The following UGT2A2 variants were observed in gnomAD, a reference collection of about 807,000 sequenced individuals.
The protein encoded by UGT2A2 is UDP glucuronosyltransferase family 2 member A2.
A neutral mutation model predicts 50.7 loss-of-function variants in UGT2A2; 60 were observed. That is an observed-to-expected ratio of 1.18 (90% CI 0.96 to 1.47). The LOEUF is 1.47. Among genes scored for constraint, UGT2A2 ranks in the 40% most tolerant of loss-of-function variants. The pLI is 0.00. For missense variants in UGT2A2, 762 were observed against 634.0 expected, an observed-to-expected ratio of 1.20 and a Z score of -2.17; for synonymous variants, 242 against 214.6, an observed-to-expected ratio of 1.13 and a Z score of -1.11.
intron 5 of UGT2A2, among the ~76,000 whole-genome samples, chr4:69,590,011 A>G (rs1718497107): frequency 6.6e-6 from 1 of 152,246 alleles, no homozygotes; most frequent in African/African-American, 2.4e-5. Context: ...TGGGATAAAA[A>G]TCATTTAAGA....
At chr4:69,638,309 A>G (rs1260825650) in intron 1 of UGT2A2, among the ~76,000 whole-genome samples, 2 of 152,252 alleles carry the variant, frequency 1.3e-5, no homozygotes, top group East Asian at 3.9e-4. Flanking sequence ...TTGATGGTTA[A>G]CATTATTGTG....
intron 1 of UGT2A2, among the ~76,000 whole-genome samples, chr4:69,623,913 T>C (rs907540405): frequency 1.3e-5 from 2 of 151,660 alleles, no homozygotes; most frequent in Non-Finnish European, 3.0e-5. Flanking sequence ...ACAAAATTAA[T>C]GCTGGCCAGA....
chr4:69,592,808 C>CAA (rs530219488), intron 5 of UGT2A2, among the ~76,000 whole-genome samples: 1 of 151,276 alleles, frequency 6.6e-6, no homozygotes, highest in Non-Finnish European at 1.5e-5. Flanking sequence ...AGAAATAATA[C>CAA]AAAAAAAATT....
intron 1 of UGT2A2, among the ~76,000 whole-genome samples, chr4:69,630,806 T>C (rs1333537827): frequency 3.3e-5 from 5 of 152,122 alleles, no homozygotes; most frequent in African/African-American, 4.8e-5. Context: ...GAGGAATTCC[T>C]GATTTACCAA....
At chr4:69,609,080 G>A (rs2217587) in intron 1 of UGT2A2, among the ~76,000 whole-genome samples, 35,337 of 151,450 alleles carry the variant, frequency 0.23, 4,331 homozygotes, top group Middle Eastern at 0.32. Flanking sequence ...AAAAGATAAT[G>A]AGAAAACCAT....
chr4:69,595,261 G>T lies in UGT2A2; in HGVS notation c.1024-12C>A, dbSNP rs761696957. On this transcript the variant is annotated splice_polypyrimidine_tract_variant and intron_variant, in intron 3 of 5. Coordinates refer to ENST00000604629, the MANE Select transcript of UGT2A2 (RefSeq NM_001105677.2). ...TATCTCCATAAAACCTGTGGAAAAT[G>T]GTGCTTTAATTTTGCAAGGAAAAAC... 2 of 1,613,072 alleles carry T rather than the reference G, an allele frequency of 1.2e-6. No homozygotes were observed. The highest frequency in any genetic ancestry group is 1.7e-6 in the Non-Finnish European group (2 of 1,179,654).
At chr4:69,608,054 G>A (rs1719771444) in intron 1 of UGT2A2, among the ~76,000 whole-genome samples, 1 of 152,134 alleles carries the variant, frequency 6.6e-6, no homozygotes, top group Admixed American at 6.5e-5. Context: ...ATTTGATCCA[G>A]CCATCCCATT....
rs1231581921 is a variant in UGT2A2 at position 69,589,580 on chromosome 4, A to T, written c.1403T>A (p.Val468Asp). 6.2e-7 allele frequency: 1 copy of T among 1,614,026 alleles called. No homozygotes were observed. The highest frequency in any genetic ancestry group is 8.5e-7 in the Non-Finnish European group (1 of 1,179,932). ...DQPVKPLDRA[V>D]FWIEFVMRHK... is the part of the protein sequence containing the mutation. ...GCGCATGACAAACTCGATCCAGAAG[A>T]CTGCTCGATCCAGGGGCTTTACAGG... The change falls in exon 6 of 6, where the codon GTC (valine) becomes GAC (aspartate). Residue 468 changes from valine to aspartate, a missense_variant. Val to Asp is a radical substitution (Grantham distance 152). Transcript: ENST00000604629.
intron 4 of UGT2A2, 114 bp from the exon 5 acceptor site, chr4:69,594,810 T>C: frequency 7.7e-7 from 1 of 1,305,018 alleles, no homozygotes; most frequent in Non-Finnish European, 1.0e-6. Flanking sequence ...GGATACGTTT[T>C]CTACAAAAGC....
chr4:69,639,433 TG>T lies in UGT2A2; in HGVS notation c.207del (p.Phe69LeufsTer10), dbSNP rs749848995. 8.1e-6 allele frequency: 13 copies of T among 1,613,116 alleles called. No individual in the cohort carries two copies. Among genetic ancestry groups the T allele is most frequent in the Non-Finnish European group, 1.1e-5 (13 of 1,179,570 alleles). On this transcript the variant is annotated frameshift_variant, in exon 1 of 6. Coordinates refer to ENST00000604629, the MANE Select transcript of UGT2A2 (RefSeq NM_001105677.2). LOFTEE classifies it high-confidence loss of function. ...VTVLASSATL[F>X]INSNPDSPVN... is the part of the protein sequence containing the mutation. ...ACAGGAGAATCGGGATTGGAGTTGA[TG>T]AATAGAGTTGCTGATGAAGCCAGTA...
intron 1 of UGT2A2, among the ~76,000 whole-genome samples, chr4:69,607,214 A>AACAGCATGGTACTGGTACCAAT (rs1719683935): frequency 6.6e-6 from 1 of 150,412 alleles, no homozygotes; most frequent in Admixed American, 6.6e-5. Context: ...CTGGTACCAA[A>AACAGCATGGTACTGGTACCAAT]ACAGAGATAA....
At chr4:69,591,539 G>A (rs1023885694) in intron 5 of UGT2A2, among the ~76,000 whole-genome samples, 1 of 152,038 alleles carries the variant, frequency 6.6e-6, no homozygotes. Context: ...GTTGTGAAAC[G>A]TTTCTTATCA....
chr4:69,615,524 A>C, intron 1 of UGT2A2, among the ~76,000 whole-genome samples: 1 of 152,122 alleles, frequency 6.6e-6, no homozygotes, highest in East Asian at 1.9e-4. Context: ...AACAATTCAA[A>C]AAGAAAAGAA....
intron 1 of UGT2A2, among the ~76,000 whole-genome samples, chr4:69,623,227 G>A (rs1300680506): frequency 6.6e-6 from 1 of 151,692 alleles, no homozygotes; most frequent in Non-Finnish European, 1.5e-5. Context: ...TGATTGTACT[G>A]CATGCCAAGT....
intron 1 of UGT2A2, among the ~76,000 whole-genome samples, chr4:69,618,921 A>T (rs1023018865): frequency 1.3e-5 from 2 of 151,980 alleles, no homozygotes; most frequent in African/African-American, 4.8e-5. Context: ...GAAATTTTTT[A>T]AAAACTCAGG....
At chr4:69,623,147 C>G (rs1023636705) in intron 1 of UGT2A2, among the ~76,000 whole-genome samples, 1 of 151,814 alleles carries the variant, frequency 6.6e-6, no homozygotes, top group Non-Finnish European at 1.5e-5. Context: ...GTTGATTTGG[C>G]ACAAGCTAGT....
intron 1 of UGT2A2, among the ~76,000 whole-genome samples, chr4:69,616,604 A>G (rs554408744): frequency 1.3e-5 from 2 of 152,066 alleles, no homozygotes; most frequent in South Asian, 4.1e-4. Context: ...CCAGTTTACC[A>G]TTTCCTGTAA....
At position 69,599,021 on chromosome 4, in the gene UGT2A2, G is replaced by C. The variant is rs1379791505; in HGVS notation, c.891+225C>G. On this transcript the variant is annotated intron_variant, in intron 2 of 5. Coordinates refer to ENST00000604629, the MANE Select transcript of UGT2A2 (RefSeq NM_001105677.2). ...TCAAGGTGTAGACACACTGATATTT[G>C]TAACACACAGCTTTAATCATTTTAT... Among the ~76,000 whole-genome samples the C allele has an allele frequency of 2.0e-5, 3 of 152,038 alleles. No individual in the cohort carries two copies. In the South Asian group the frequency reaches 6.2e-4, roughly 32 times the overall value.
Position 69,606,632 on chromosome 4 carries a change from G to T in UGT2A2, c.743-7238C>A, listed in dbSNP as rs1719641227. Among the ~76,000 whole-genome samples, 2 of 136,776 alleles carry T rather than the reference G, an allele frequency of 1.5e-5. 1 individual carries two copies. Among genetic ancestry groups the T allele is most frequent in the South Asian group, 4.8e-4 (2 of 4,156 alleles). The allele number at this position is 136,776 out of a possible 152,430, so 89.7% of individuals were successfully genotyped here. A position where few individuals can be genotyped will look rare whatever the true frequency, so the allele number is the denominator to read the frequency against. On this transcript the variant is annotated intron_variant, in intron 1 of 5. Coordinates refer to ENST00000604629, the MANE Select transcript of UGT2A2 (RefSeq NM_001105677.2). ...CAATTAGGAAAGAGGAAGTCAAATTGTCCCTGTTTGCAGTTGACATGATTG... is the reference window on the plus strand; with the variant it reads ...CAATTAGGAAAGAGGAAGTCAAATTTTCCCTGTTTGCAGTTGACATGATTG...
Sources: gnomAD v4.1 joint callset for allele counts (sites outside exome capture counted in the v4.1 genomes callset) on GRCh38, gnomAD v4.1.1 for gene constraint, MANE v1.5 for transcripts, NCBI Gene and HGNC (gene_info 2026-07-23, HGNC 2026-07-21) for gene names.